The following ANK2 variants were observed in gnomAD, a reference collection of about 807,000 sequenced individuals.
ANK2 encodes the protein ankyrin-2.
ANK2 carries 83 observed loss-of-function variants against 360.5 expected under a neutral mutation model. The ratio of observed to expected loss-of-function variants is 0.23; its 90% CI spans 0.19 to 0.28. ANK2 has a LOEUF of 0.28. Ranked by LOEUF, ANK2 falls within the 10% of genes least tolerant of loss-of-function variation. The probability of loss-of-function intolerance (pLI) is 1.00; values close to 1 mark genes in which losing one functional copy is unlikely to be tolerated. For synonymous variants in ANK2, 1,740 were observed against 1,759.5 expected (o/e 0.99, Z 0.28); for missense variants, 4,201 against 4,795.7 (o/e 0.88, Z 3.66).
At position 113,106,350 on chromosome 4, in the gene ANK2, T is replaced by C. The variant is rs541066200; in HGVS notation, c.84+56538T>C. On this transcript the variant is annotated intron_variant, in intron 1 of 45. Coordinates refer to ENST00000357077, the MANE Select transcript of ANK2 (RefSeq NM_001148.6). ...GGTTATTTCAGTGGTTTTCAGATTG[T>C]TTTAAGCAGCAGATCCTTTTCTTAA... Among the ~76,000 whole-genome samples the C allele has an allele frequency of 3.5e-4, 54 of 152,312 alleles. No individual in the cohort carries two copies. The South Asian group carries it at 0.01, about 29-fold the overall frequency.
intron 2 of ANK2, among the ~76,000 whole-genome samples, chr4:113,187,067 C>A (rs1033339342): frequency 6.6e-6 from 1 of 152,000 alleles, no homozygotes; most frequent in African/African-American, 2.4e-5. Flanking sequence ...CACCCCACCC[C>A]CTAAACTGTC....
chr4:113,073,579 A>AT (rs905833190), intron 1 of ANK2, among the ~76,000 whole-genome samples: 1 of 152,082 alleles, frequency 6.6e-6, no homozygotes, highest in African/African-American at 2.4e-5. Context: ...GAAGAATGGC[A>AT]TTTTTTCTCT....
chr4:112,788,437 G>C, the ANK2 span: 3 of 1,599,940 alleles, frequency 1.9e-6, no homozygotes, highest in South Asian at 2.2e-5. Flanking sequence ...GAGCTTTCTT[G>C]TTCTCCACCA....
At chr4:113,010,868 A>G (rs540108682) in intron 2 of ANK2, among the ~76,000 whole-genome samples, 1 of 152,272 alleles carries the variant, frequency 6.6e-6, no homozygotes, top group Admixed American at 6.5e-5. Flanking sequence ...TTGAAACATA[A>G]TATGGTTAAA....
the ANK2 span, among the ~76,000 whole-genome samples, chr4:112,746,314 G>T: frequency 6.6e-6 from 1 of 151,818 alleles, no homozygotes. Context: ...GCTTACATAT[G>T]ATACAAACAA....
intron 30 of ANK2, 23 bp from the exon 31 acceptor site, chr4:113,336,554 G>A (rs769978042): frequency 2.5e-6 from 4 of 1,571,076 alleles, no homozygotes; most frequent in South Asian, 1.1e-5. Context: ...AAATATATAT[G>A]TGTGTGTTTT....
At chr4:112,750,423 T>A in the ANK2 span, among the ~76,000 whole-genome samples, 1 of 152,180 alleles carries the variant, frequency 6.6e-6, no homozygotes, top group Admixed American at 6.5e-5. Flanking sequence ...TTAAATATGT[T>A]TAGATACACA....
rs13145510 is a variant in ANK2, at chr4:113,244,270, G to A, written c.891+2061G>A. On this transcript the variant is annotated intron_variant, in intron 9 of 45. Coordinates refer to ENST00000357077, the MANE Select transcript of ANK2 (RefSeq NM_001148.6). ...AACTATTGAGTTCCTACTTGGTGCT[G>A]TGAACCCTGAAGATACGACAGTTAA... 7.6e-3 allele frequency among the ~76,000 whole-genome samples: 1,154 copies of A among 151,820 alleles called. 7 individuals carry two copies. Among genetic ancestry groups the A allele is most frequent in the Middle Eastern group, 0.02 (6 of 294 alleles).
intron 1 of ANK2, among the ~76,000 whole-genome samples, chr4:112,859,950 C>A (rs2067455444): frequency 6.6e-6 from 1 of 152,200 alleles, no homozygotes; most frequent in Non-Finnish European, 1.5e-5. Context: ...CTGATCACTG[C>A]TCTGCCAGCA....
At chr4:112,819,899 GCC>G (rs1181756269) in intron 1 of ANK2, among the ~76,000 whole-genome samples, 1 of 152,136 alleles carries the variant, frequency 6.6e-6, no homozygotes, top group Non-Finnish European at 1.5e-5. Context: ...TCCTGATCTG[GCC>G]CTCCGTCTCT....
At chr4:113,364,004 G>A (rs1438909104) in intron 40 of ANK2, among the ~76,000 whole-genome samples, 2 of 152,148 alleles carry the variant, frequency 1.3e-5, no homozygotes, top group Non-Finnish European at 2.9e-5. Flanking sequence ...TTACACAAAT[G>A]CATGAAATAA....
At chr4:113,043,975 C>T (rs759259760) in intron 2 of ANK2, among the ~76,000 whole-genome samples, 19 of 152,094 alleles carry the variant, frequency 1.2e-4, no homozygotes, top group Non-Finnish European at 2.4e-4. Flanking sequence ...CCTGTAATTC[C>T]TTTTGGTTCC....
At chr4:112,998,859 T>C (rs1561474685) in intron 2 of ANK2, among the ~76,000 whole-genome samples, 1 of 152,270 alleles carries the variant, frequency 6.6e-6, no homozygotes, top group East Asian at 1.9e-4. Context: ...TTGCAGAAAA[T>C]GAACACTCTT....
At chr4:113,249,706 A>T in intron 9 of ANK2, 58 bp from the exon 10 acceptor site, 1 of 1,530,280 alleles carries the variant, frequency 6.5e-7, no homozygotes, top group East Asian at 2.3e-5. Context: ...GTTGCAATAG[A>T]TGAAATATAG....
At chr4:113,285,888 A>C (rs2064330575) in intron 18 of ANK2, among the ~76,000 whole-genome samples, 1 of 152,244 alleles carries the variant, frequency 6.6e-6, no homozygotes, top group African/African-American at 2.4e-5. Context: ...CAACGTTATA[A>C]CAAAAGACTG....
At chr4:113,290,229 C>A (rs1444854367) in intron 20 of ANK2, among the ~76,000 whole-genome samples, 1 of 146,754 alleles carries the variant, frequency 6.8e-6, no homozygotes, top group Non-Finnish European at 1.5e-5. Flanking sequence ...AACCATATAT[C>A]TTTAGGGAAA....
chr4:113,109,489 A>G (rs2094043450), intron 1 of ANK2, among the ~76,000 whole-genome samples: 1 of 152,136 alleles, frequency 6.6e-6, no homozygotes, highest in African/African-American at 2.4e-5. Context: ...TCTTACCCTT[A>G]GAGTATTGCT....
chr4:113,147,261 A>G (rs1190153835), intron 1 of ANK2, among the ~76,000 whole-genome samples: 1 of 152,210 alleles, frequency 6.6e-6, no homozygotes, highest in Non-Finnish European at 1.5e-5. Flanking sequence ...AACCAAGAGC[A>G]GTAACGTTTC....
At chr4:113,030,042 A>G (rs551851159) in intron 2 of ANK2, among the ~76,000 whole-genome samples, 81 of 152,222 alleles carry the variant, frequency 5.3e-4, no homozygotes, top group Non-Finnish European at 9.7e-4. Context: ...TATCTAAAAC[A>G]AAAATGCAAA....
Sources: allele counts gnomAD v4.1 joint callset (sites outside exome capture counted in the v4.1 genomes callset), GRCh38; gene constraint gnomAD v4.1.1; transcripts MANE v1.5; gene names NCBI Gene and HGNC (gene_info 2026-07-23, HGNC 2026-07-21).